NTNG1: variants seen among roughly 807,000 people sequenced by gnomAD.
NTNG1 encodes netrin-G1.
NTNG1 carries 16 observed loss-of-function variants against 54.0 expected under a neutral mutation model. That is an observed-to-expected ratio of 0.30 (90% CI 0.20 to 0.45). The LOEUF (loss-of-function observed/expected upper bound fraction) is 0.45, where lower values mean the gene tolerates loss of function less well. Among genes scored for constraint, NTNG1 ranks in the 20% least tolerant of loss-of-function variants. The probability of loss-of-function intolerance (pLI) is 1.00; values close to 1 mark genes in which losing one functional copy is unlikely to be tolerated. For synonymous variants in NTNG1, 255 were observed against 263.1 expected (o/e 0.97, Z 0.30); for missense variants, 530 against 678.7 (o/e 0.78, Z 2.43).
rs767403957 is a variant in NTNG1, at chr1:107,480,627, C to T, written c.1407C>T (p.Asn469=). The T allele has an allele frequency of 3.9e-6, 5 of 1,286,298 alleles. No homozygotes were observed. Among genetic ancestry groups the T allele is most frequent in the Middle Eastern group, 3.3e-4 (1 of 3,060 alleles). The allele number at this position is 1,286,298 out of a possible 1,614,324, so 79.7% of individuals were successfully genotyped here. ...ATTCTGCAGCGAATGTCTGCGACAA[C>T]GAGCTCCTGCACTGCCAGAACGGAG... ...HYGCQPNVCD[N]ELLHCQNGGT... Residue 469 remains asparagine, a synonymous_variant, in exon 8 of 8, where the codon AAC becomes AAT. Coordinates refer to ENST00000370068, the MANE Select transcript of NTNG1 (RefSeq NM_001113226.3).
At chr1:107,319,678 C>T (rs1020367475) in intron 2 of NTNG1, among the ~76,000 whole-genome samples, 4 of 152,042 alleles carry the variant, frequency 2.6e-5, no homozygotes, top group Non-Finnish European at 4.4e-5. Flanking sequence ...AACCCAAACG[C>T]GTCTCACATT....
At chr1:107,263,291 TC>T in intron 2 of NTNG1, among the ~76,000 whole-genome samples, 2 of 127,820 alleles carry the variant, frequency 1.6e-5, no homozygotes, top group South Asian at 4.9e-4. Context: ...CTTCCTTCCT[TC>T]CTTCCTTCCT....
At chr1:107,275,788 C>T (rs970636856) in intron 2 of NTNG1, among the ~76,000 whole-genome samples, 1 of 152,184 alleles carries the variant, frequency 6.6e-6, no homozygotes, top group African/African-American at 2.4e-5. Context: ...AAATGGTAAT[C>T]TTACAAAAAT....
intron 3 of NTNG1, among the ~76,000 whole-genome samples, chr1:107,342,957 C>G (rs926021097): frequency 6.6e-6 from 1 of 152,202 alleles, no homozygotes; most frequent in Admixed American, 6.6e-5. Flanking sequence ...AGCTATAGAT[C>G]ACTGGTAAGT....
intron 2 of NTNG1, among the ~76,000 whole-genome samples, chr1:107,152,516 C>G (rs1043561459): frequency 5.9e-5 from 9 of 152,164 alleles, no homozygotes; most frequent in African/African-American, 1.9e-4. Context: ...TTATCTCTAG[C>G]CTGCAGCTAA....
chr1:107,164,136 GA>G (rs1167548439), intron 2 of NTNG1, among the ~76,000 whole-genome samples: 2 of 152,190 alleles, frequency 1.3e-5, no homozygotes, highest in African/African-American at 2.4e-5. Flanking sequence ...AGGTGACTGT[GA>G]ATTAAAAAGA....
chr1:107,390,965 G>C (rs757157919), intron 3 of NTNG1, among the ~76,000 whole-genome samples: 8 of 152,270 alleles, frequency 5.3e-5, no homozygotes, highest in Middle Eastern at 3.4e-3. Flanking sequence ...AGGCATCCTG[G>C]TGGACCAGAG....
At chr1:107,476,650 A>G (rs1678352677) in intron 7 of NTNG1, among the ~76,000 whole-genome samples, 1 of 151,980 alleles carries the variant, frequency 6.6e-6, no homozygotes, top group African/African-American at 2.4e-5. Flanking sequence ...TCCCTTCACC[A>G]TTGTTCTAAC....
chr1:107,217,690 T>G (rs1403515137), intron 2 of NTNG1, among the ~76,000 whole-genome samples: 1 of 152,228 alleles, frequency 6.6e-6, no homozygotes, highest in Non-Finnish European at 1.5e-5. Context: ...GTTTCTATCT[T>G]GATTCCATTG....
chr1:107,342,272 C>G (rs1485651529), intron 3 of NTNG1, among the ~76,000 whole-genome samples: 2 of 151,832 alleles, frequency 1.3e-5, no homozygotes, highest in African/African-American at 4.8e-5. Flanking sequence ...TATGTTAGCC[C>G]CCTGAATTAA....
intron 2 of NTNG1, among the ~76,000 whole-genome samples, chr1:107,307,561 A>G (rs1026554856): frequency 1.4e-4 from 22 of 152,244 alleles, no homozygotes; most frequent in African/African-American, 4.3e-4. Flanking sequence ...AAGAATTCAC[A>G]GAGGGCTGGG....
chr1:107,268,605 G>A (rs1461680806), intron 2 of NTNG1, among the ~76,000 whole-genome samples: 1 of 151,582 alleles, frequency 6.6e-6, no homozygotes, highest in African/African-American at 2.4e-5. Context: ...ATGGCTTTAA[G>A]TGTGAACTAT....
intron 7 of NTNG1, among the ~76,000 whole-genome samples, chr1:107,466,256 T>C (rs372621685): frequency 6.6e-6 from 1 of 152,192 alleles, no homozygotes; most frequent in African/African-American, 2.4e-5. Context: ...CTGTGCAATT[T>C]AATTTAGGGG....
At chr1:107,452,178 C>T (rs1174154664) in intron 7 of NTNG1, among the ~76,000 whole-genome samples, 5 of 152,174 alleles carry the variant, frequency 3.3e-5, no homozygotes, top group Admixed American at 1.3e-4. Context: ...CCATAAATTA[C>T]AGCTATTATT....
At chr1:107,319,759 A>ATTTTCAACTGTTGTTTCCAAT (rs950483793) in intron 2 of NTNG1, among the ~76,000 whole-genome samples, 2 of 151,888 alleles carry the variant, frequency 1.3e-5, no homozygotes, top group Non-Finnish European at 2.9e-5. Context: ...AATTCTCTTC[A>ATTTTCAACTGTTGTTTCCAAT]TTTTCAACTG....
At chr1:107,214,790 A>G (rs540722110) in intron 2 of NTNG1, among the ~76,000 whole-genome samples, 1 of 146,508 alleles carries the variant, frequency 6.8e-6, no homozygotes, top group African/African-American at 2.5e-5. Context: ...CCATGCCATC[A>G]TTTTTTTTTT....
intron 2 of NTNG1, among the ~76,000 whole-genome samples, chr1:107,238,046 G>T (rs1661537057): frequency 6.6e-6 from 1 of 152,148 alleles, no homozygotes; most frequent in South Asian, 2.1e-4. Context: ...GTGTGGAAAA[G>T]CTGCAGACGC....
intron 2 of NTNG1, among the ~76,000 whole-genome samples, chr1:107,302,516 A>G (rs1195601827): frequency 6.6e-6 from 1 of 152,086 alleles, no homozygotes; most frequent in African/African-American, 2.4e-5. Flanking sequence ...CTGTTTTACA[A>G]TTCAATAAAA....
chr1:107,198,485 A>T (rs186661959), intron 2 of NTNG1, among the ~76,000 whole-genome samples: 6 of 151,980 alleles, frequency 3.9e-5, no homozygotes, highest in Non-Finnish European at 2.9e-5. Flanking sequence ...ATAAAATTAC[A>T]TCACAGGAAA....
Sources: gnomAD v4.1 joint callset for allele counts (sites outside exome capture counted in the v4.1 genomes callset) on GRCh38, gnomAD v4.1.1 for gene constraint, MANE v1.5 for transcripts, NCBI Gene and HGNC (gene_info 2026-07-23, HGNC 2026-07-21) for gene names.